L1TD1: variants seen among roughly 807,000 people sequenced by gnomAD.
L1TD1 encodes the protein LINE1 type transposase domain containing 1.
Under a neutral mutation model 25.7 loss-of-function variants are expected in L1TD1, and 26 were observed. The ratio of observed to expected loss-of-function variants is 1.01; its 90% CI spans 0.74 to 1.40. L1TD1 has a LOEUF of 1.40. L1TD1 is among the 40% of genes most tolerant of loss of function. L1TD1 has a pLI of 0.00. For synonymous variants in L1TD1, 421 were observed against 335.6 expected (o/e 1.25, Z -2.78); for missense variants, 1,130 against 975.0 (o/e 1.16, Z -2.12).
intron 2 of L1TD1, among the ~76,000 whole-genome samples, chr1:62,205,945 GGTCTC>G (rs1211169206): frequency 2.0e-5 from 3 of 151,964 alleles, no homozygotes; most frequent in African/African-American, 7.3e-5. Flanking sequence ...TGCCCAGGCT[GGTCTC>G]GAACTCCTGG....
At chr1:62,198,989 C>CA (rs1670594092) in intron 2 of L1TD1, among the ~76,000 whole-genome samples, 1 of 152,132 alleles carries the variant, frequency 6.6e-6, no homozygotes, top group Non-Finnish European at 1.5e-5. Flanking sequence ...AGGCAGAAGC[C>CA]AGGACGTCTG....
intron 2 of L1TD1, among the ~76,000 whole-genome samples, chr1:62,201,526 C>T (rs1440596187): frequency 1.4e-5 from 2 of 143,104 alleles, no homozygotes; most frequent in African/African-American, 5.1e-5. Flanking sequence ...CATATTCAAA[C>T]ATCAATAAAA....
At chr1:62,203,461 G>T (rs868716416) in intron 2 of L1TD1, among the ~76,000 whole-genome samples, 1 of 151,690 alleles carries the variant, frequency 6.6e-6, no homozygotes, top group East Asian at 1.9e-4. Context: ...TCACTCTGTC[G>T]CCCGGTACAG....
chr1:62,207,086 A>G lies in L1TD1; in HGVS notation c.458A>G (p.Asn153Ser), dbSNP rs772595112. 39 of 1,612,736 alleles carry G rather than the reference A, an allele frequency of 2.4e-5. No individual in the cohort carries two copies. The highest frequency in any genetic ancestry group is 2.2e-5 in the East Asian group (1 of 44,868). ...SGKLDNTNEY[N>S]SNDGKKLPQG... ...AAATTAGACAACACTAACGAATACAATAGTAATGATGGTAAGAAATTACCC... is the reference window on the plus strand; with the variant it reads ...AAATTAGACAACACTAACGAATACAGTAGTAATGATGGTAAGAAATTACCC... Residue 153 changes from asparagine to serine, a missense_variant, in exon 3 of 4, where the codon AAT becomes AGT. By Grantham distance (46) the Asn-to-Ser change is conservative. Coordinates refer to ENST00000498273, the MANE Select transcript of L1TD1 (RefSeq NM_019079.5).
Position 62,206,634 on chromosome 1 carries a change from T to C in L1TD1, c.6T>C (p.Ser2=), listed in dbSNP as rs1670750135. The change falls in exon 3 of 4, where the codon TCT becomes TCC. Residue 2 remains serine, a synonymous_variant. Coordinates refer to ENST00000498273, the MANE Select transcript of L1TD1 (RefSeq NM_019079.5). ...GTCTTGACAACATATCCACAATGTCTGATGTATCTACTAGTGTACAATCAA... is the reference window on the plus strand; with the variant it reads ...GTCTTGACAACATATCCACAATGTCCGATGTATCTACTAGTGTACAATCAA... M[S]DVSTSVQSKF... is the part of the protein sequence containing the mutation. 1 of 1,515,196 alleles carries C rather than the reference T, an allele frequency of 6.6e-7. No individual in the cohort carries two copies. The highest frequency in any genetic ancestry group is 1.3e-5 in the South Asian group (1 of 77,578). 93.9% of individuals were successfully genotyped at this position (1,515,196 alleles called of 1,614,324 possible).
rs202046052 is a variant in L1TD1 at position 62,202,833 on chromosome 1, A to AC, written c.-110-3684dup. 9.0e-3 allele frequency among the ~76,000 whole-genome samples: 1,366 copies of AC among 151,568 alleles called. 20 individuals are homozygous for AC. The highest frequency in any genetic ancestry group is 0.031 in the African/African-American group (1,282 of 41,302). The stretch of plus-strand genomic sequence containing the variant: ...TGAGCAGCTGGGATTACAGGAACCC[A>AC]CCACCACGCCCAGCTAAATCTGTAT... On this transcript the variant is annotated intron_variant, in intron 2 of 3. Coordinates refer to ENST00000498273, the MANE Select transcript of L1TD1 (RefSeq NM_019079.5).
chr1:62,210,312 A>T lies in L1TD1; in HGVS notation c.1538A>T (p.Tyr513Phe), dbSNP rs758340686. 6.2e-7 allele frequency: 1 copy of T among 1,614,132 alleles called. No individual in the cohort carries two copies. Among genetic ancestry groups the T allele is most frequent in the Middle Eastern group, 1.7e-4 (1 of 6,060 alleles). Reference sequence around the variant, plus strand: ...AGACAAAAAGAAATTCCCTTTAGTTATTTGGTTGGGGACTCTGGGAAGAAA... The same window carrying T: ...AGACAAAAAGAAATTCCCTTTAGTTTTTTGGTTGGGGACTCTGGGAAGAAA... Reference protein sequence around the residue: ...SRRQKEIPFSYLVGDSGKKKL... With the variant: ...SRRQKEIPFSFLVGDSGKKKL... The change falls in exon 4 of 4, where the codon TAT becomes TTT. Residue 513 changes from tyrosine (Y) to phenylalanine (F), a missense_variant. Coordinates refer to ENST00000498273, the MANE Select transcript of L1TD1 (RefSeq NM_019079.5).
At chr1:62,199,940 TTG>T in intron 2 of L1TD1, among the ~76,000 whole-genome samples, 1 of 152,278 alleles carries the variant, frequency 6.6e-6, no homozygotes, top group East Asian at 1.9e-4. Context: ...TATAATCTTT[TTG>T]TGTTTACTGT....
At chr1:62,203,657 C>T (rs1272898168) in intron 2 of L1TD1, among the ~76,000 whole-genome samples, 2 of 152,216 alleles carry the variant, frequency 1.3e-5, no homozygotes, top group Non-Finnish European at 2.9e-5. Flanking sequence ...AGGCTCACTG[C>T]AAGCTCTGCC....
At chr1:62,209,701 A>T in intron 3 of L1TD1, 82 bp from the exon 4 acceptor site, 2 of 1,127,328 alleles carry the variant, frequency 1.8e-6, no homozygotes, top group Non-Finnish European at 2.5e-6. Flanking sequence ...TATTAAAATT[A>T]GTGAAATTGA....
intron 2 of L1TD1, among the ~76,000 whole-genome samples, chr1:62,203,785 C>T (rs543162589): frequency 5.3e-5 from 8 of 152,268 alleles, no homozygotes; most frequent in Admixed American, 6.5e-5. Context: ...AGGGTTTCAC[C>T]GTATTAGCCA....
At chr1:62,203,787 T>A (rs1670686780) in intron 2 of L1TD1, among the ~76,000 whole-genome samples, 1 of 152,206 alleles carries the variant, frequency 6.6e-6, no homozygotes, top group Non-Finnish European at 1.5e-5. Flanking sequence ...GGTTTCACCG[T>A]ATTAGCCAGG....
Position 62,211,279 on chromosome 1 carries a change from TAAAAC to T in L1TD1, c.2509_2513del (p.Thr837GlyfsTer4). ...CCAAAATGGCATTTGATTTTAGGGG[TAAAAC>T]AAAGGTATTTCTTAGTATTGAAGAA... On this transcript the variant is annotated frameshift_variant, in exon 4 of 4. Transcript: ENST00000498273. LOFTEE classifies it low-confidence loss of function (END_TRUNC). 6.2e-7 allele frequency: 1 copy of T among 1,611,922 alleles called. No homozygotes were observed. The highest frequency in any genetic ancestry group is 8.5e-7 in the Non-Finnish European group (1 of 1,178,748).
chr1:62,195,494 C>T (rs941919393), intron 1 of L1TD1, among the ~76,000 whole-genome samples: 4 of 152,240 alleles, frequency 2.6e-5, no homozygotes, highest in Non-Finnish European at 4.4e-5. Context: ...TGGCTCACGC[C>T]TGTAATCCCA....
intron 3 of L1TD1, among the ~76,000 whole-genome samples, chr1:62,208,699 G>A (rs1009753536): frequency 6.6e-5 from 10 of 151,998 alleles, no homozygotes; most frequent in Admixed American, 5.2e-4. Context: ...TGCTGGTCTC[G>A]AACTCCTGGG....
chr1:62,198,269 A>G (rs1284142109), intron 2 of L1TD1, among the ~76,000 whole-genome samples: 11 of 151,896 alleles, frequency 7.2e-5, no homozygotes, highest in African/African-American at 2.7e-4. Flanking sequence ...GGAGTTTGTG[A>G]CCAGCGAACA....
At chr1:62,200,931 T>C (rs1670628396) in intron 2 of L1TD1, among the ~76,000 whole-genome samples, 1 of 152,062 alleles carries the variant, frequency 6.6e-6, no homozygotes, top group Non-Finnish European at 1.5e-5. Context: ...TTTATTTTTA[T>C]TTTTACTTTT....
chr1:62,202,194 G>A (rs1670651364), intron 2 of L1TD1, among the ~76,000 whole-genome samples: 2 of 152,106 alleles, frequency 1.3e-5, no homozygotes, highest in South Asian at 4.1e-4. Flanking sequence ...CAGCTACTTG[G>A]GAGGCTTAGG....
chr1:62,199,752 C>T (rs1383011311), intron 2 of L1TD1, among the ~76,000 whole-genome samples: 48 of 152,146 alleles, frequency 3.2e-4, no homozygotes, highest in Admixed American at 2.9e-3. Context: ...TTGGAAAACA[C>T]ATTACCCAAA....
Sources: allele counts gnomAD v4.1 joint callset (sites outside exome capture counted in the v4.1 genomes callset), GRCh38; gene constraint gnomAD v4.1.1; transcripts MANE v1.5; gene names NCBI Gene and HGNC (gene_info 2026-07-23, HGNC 2026-07-21).